Variants in ANTXR2 observed in about 807,000 individuals in gnomAD.
ANTXR2 encodes the protein anthrax toxin receptor 2.
Under a neutral mutation model 73.7 loss-of-function variants are expected in ANTXR2, and 44 were observed. The ratio of observed to expected loss-of-function variants is 0.60; its 90% CI spans 0.47 to 0.77. The LOEUF is 0.77. Among genes scored for constraint, ANTXR2 ranks in the 30% least tolerant of loss-of-function variants. ANTXR2 has a pLI of 0.00. For synonymous variants in ANTXR2, 217 were observed against 205.9 expected, an observed-to-expected ratio of 1.05 and a Z score of -0.46; for missense variants, 604 against 592.5, an observed-to-expected ratio of 1.02 and a Z score of -0.20.
At chr4:79,918,612 C>G (rs746674414) in intron 16 of ANTXR2, among the ~76,000 whole-genome samples, 10 of 151,848 alleles carry the variant, frequency 6.6e-5, no homozygotes, top group Non-Finnish European at 1.5e-4. Flanking sequence ...GAGAAAATAC[C>G]CTTTAAAACT....
chr4:80,035,724 C>G lies in ANTXR2; in HGVS notation c.697+248G>C, dbSNP rs181047183. On this transcript the variant is annotated intron_variant, in intron 8 of 16. Coordinates refer to ENST00000403729, the MANE Select transcript of ANTXR2 (RefSeq NM_058172.6). ...CCATAGGAAAGGTCTCAAGCGTGAA[C>G]TAAATATACAGAAGATTCTAAAAGC... Among the ~76,000 whole-genome samples the G allele has an allele frequency of 2.6e-5, 4 of 152,160 alleles. No homozygotes were observed. The East Asian group carries it at 7.7e-4, about 29-fold the overall frequency.
intron 12 of ANTXR2, among the ~76,000 whole-genome samples, chr4:79,987,907 A>C (rs979753237): frequency 2.0e-5 from 3 of 152,154 alleles, no homozygotes; most frequent in African/African-American, 7.2e-5. Context: ...TCATTTTCAA[A>C]CAAGCAAATG....
At chr4:79,963,003 G>A (rs1729202985) in intron 16 of ANTXR2, among the ~76,000 whole-genome samples, 1 of 152,070 alleles carries the variant, frequency 6.6e-6, no homozygotes, top group South Asian at 2.1e-4. Flanking sequence ...ACCCACTAGT[G>A]GTTACACTTC....
chr4:80,072,284 A>G (rs1183472172), intron 1 of ANTXR2, 125 bp downstream of exon 1: 32 of 1,116,246 alleles, frequency 2.9e-5, no homozygotes, highest in Admixed American at 1.7e-4. Flanking sequence ...GAAGACAGCA[A>G]CAGGGCACCC....
chr4:80,011,218 A>G (rs894350824), intron 11 of ANTXR2, among the ~76,000 whole-genome samples: 4 of 152,124 alleles, frequency 2.6e-5, no homozygotes, highest in Non-Finnish European at 5.9e-5. Context: ...CCTAGTATAT[A>G]TATAAGCCAA....
chr4:80,048,776 G>A (rs1400141233), intron 7 of ANTXR2, among the ~76,000 whole-genome samples: 1 of 151,492 alleles, frequency 6.6e-6, no homozygotes, highest in African/African-American at 2.4e-5. Flanking sequence ...TTTCTTCTTA[G>A]ATATTTTTCT....
intron 14 of ANTXR2, among the ~76,000 whole-genome samples, chr4:79,979,534 C>A (rs1729794161): frequency 6.6e-6 from 1 of 151,996 alleles, no homozygotes; most frequent in Admixed American, 6.6e-5. Flanking sequence ...ATGTTTTTAC[C>A]TTTTTTTACT....
intron 10 of ANTXR2, among the ~76,000 whole-genome samples, chr4:80,028,782 T>A (rs1379857769): frequency 2.0e-5 from 3 of 152,192 alleles, no homozygotes; most frequent in Admixed American, 2.0e-4. Context: ...ACTGTTTCAA[T>A]TGTGTTGATT....
rs1413342999 is a variant in ANTXR2 at position 80,072,574 on chromosome 4, G to A, written c.-14C>T. The A allele has an allele frequency of 6.6e-6, 10 of 1,517,230 alleles. No homozygotes were observed. In the African/African-American group the frequency reaches 9.9e-5, roughly 15 times the overall value. 94.0% of individuals were successfully genotyped at this position (1,517,230 alleles called of 1,614,324 possible). A position where few individuals can be genotyped will look rare whatever the true frequency, so the allele number is the denominator to read the frequency against. ...CTCCGCCACCATCCTGCGGCCGGGG[G>A]CCTGAGACTCCCTCCCGCTCGCAGT... On this transcript the variant is annotated 5_prime_UTR_variant, in exon 1 of 17. Transcript: ENST00000403729.
At chr4:79,908,800 A>G (rs952232912) in intron 16 of ANTXR2, among the ~76,000 whole-genome samples, 1 of 152,170 alleles carries the variant, frequency 6.6e-6, no homozygotes, top group East Asian at 1.9e-4. Flanking sequence ...TCCAGACTGT[A>G]TTTTTGTGTT....
At chr4:79,920,975 A>C (rs1249957019) in intron 16 of ANTXR2, among the ~76,000 whole-genome samples, 2 of 152,148 alleles carry the variant, frequency 1.3e-5, no homozygotes, top group Non-Finnish European at 2.9e-5. Context: ...CTATATTTGA[A>C]TCATGCATTT....
intron 12 of ANTXR2, 43 bp downstream of exon 12, chr4:80,008,478 T>G: frequency 6.8e-6 from 10 of 1,475,026 alleles, no homozygotes; most frequent in Non-Finnish European, 9.4e-6. Flanking sequence ...CTTTACATCT[T>G]TCTAATTTTT....
At chr4:80,060,610 T>A (rs1386858799) in intron 3 of ANTXR2, among the ~76,000 whole-genome samples, 3 of 152,156 alleles carry the variant, frequency 2.0e-5, no homozygotes, top group African/African-American at 7.2e-5. Context: ...ATCTCCCCCA[T>A]GGGGCCACTG....
intron 12 of ANTXR2, among the ~76,000 whole-genome samples, chr4:80,000,496 C>A (rs554029035): frequency 6.6e-6 from 1 of 152,078 alleles, no homozygotes; most frequent in Admixed American, 6.6e-5. Flanking sequence ...ATGCAACATG[C>A]CTGGTTTACA....
At chr4:80,015,709 AAAG>A (rs1731804375) in intron 11 of ANTXR2, among the ~76,000 whole-genome samples, 1 of 151,866 alleles carries the variant, frequency 6.6e-6, no homozygotes, top group South Asian at 2.1e-4. Flanking sequence ...GAAAAAGAGA[AAAG>A]AAGAGAAGAA....
At chr4:79,990,383 C>CAAAAAAAAAAAAAAAAAAAAAAAAAAA (rs70944757) in intron 12 of ANTXR2, among the ~76,000 whole-genome samples, 1 of 76,932 alleles carries the variant, frequency 1.3e-5, no homozygotes, top group Non-Finnish European at 2.5e-5. Context: ...ACAACAGTTA[C>CAAAAAAAAAAAAAAAAAAAAAAAAAAA]AAAAAAAAAA....
At chr4:80,033,793 A>G (rs1732818017) in intron 8 of ANTXR2, among the ~76,000 whole-genome samples, 2 of 151,988 alleles carry the variant, frequency 1.3e-5, no homozygotes, top group Non-Finnish European at 2.9e-5. Context: ...ATGGGGATGC[A>G]TTATTTTATT....
intron 9 of ANTXR2, 40 bp downstream of exon 9, chr4:80,033,432 T>G: frequency 6.8e-7 from 1 of 1,460,188 alleles, no homozygotes; most frequent in Admixed American, 2.1e-5. Flanking sequence ...TGATGTGCTT[T>G]GCAGAGATTA....
chr4:79,927,208 C>A (rs553628081), intron 16 of ANTXR2, among the ~76,000 whole-genome samples: 2 of 151,454 alleles, frequency 1.3e-5, no homozygotes, highest in South Asian at 4.2e-4. Flanking sequence ...CACTTAAATG[C>A]AAAATCTAAA....
Sources: allele counts gnomAD v4.1 joint callset (sites outside exome capture counted in the v4.1 genomes callset), GRCh38; gene constraint gnomAD v4.1.1; transcripts MANE v1.5; gene names NCBI Gene and HGNC (gene_info 2026-07-23, HGNC 2026-07-21).